Variants in COG5 observed in about 807,000 individuals in gnomAD.
The protein encoded by COG5 is component of oligomeric golgi complex 5.
COG5 carries 86 observed loss-of-function variants against 110.4 expected under a neutral mutation model. The observed-to-expected ratio is 0.78, with a 90% CI of 0.65 to 0.93. The LOEUF is 0.93. Ranked by LOEUF, COG5 falls within the 40% of genes least tolerant of loss-of-function variation. The pLI is 0.00. For missense variants in COG5, 1,077 were observed against 987.0 expected (o/e 1.09, Z -1.22); for synonymous variants, 360 against 334.6 (o/e 1.08, Z -0.83).
intron 10 of COG5, among the ~76,000 whole-genome samples, chr7:107,353,764 T>C (rs1812382930): frequency 6.6e-6 from 1 of 152,076 alleles, no homozygotes; most frequent in African/African-American, 2.4e-5. Context: ...TTCAGACCAT[T>C]TATGCCCTCT....
intron 11 of COG5, among the ~76,000 whole-genome samples, chr7:107,309,898 C>A (rs1808072027): frequency 6.6e-6 from 1 of 152,028 alleles, no homozygotes; most frequent in Admixed American, 6.6e-5. Context: ...CATACCCAAC[C>A]CCCTCTCTCC....
intron 6 of COG5, among the ~76,000 whole-genome samples, chr7:107,449,625 T>C (rs1795215731): frequency 6.6e-6 from 1 of 152,130 alleles, no homozygotes; most frequent in Non-Finnish European, 1.5e-5. Flanking sequence ...GAAGTGCCCT[T>C]AGTGATGTTG....
chr7:107,483,092 T>C (rs1797444390), intron 6 of COG5, among the ~76,000 whole-genome samples: 1 of 152,196 alleles, frequency 6.6e-6, no homozygotes, highest in Non-Finnish European at 1.5e-5. Flanking sequence ...ATTTACTTTG[T>C]ACCATTAATG....
At chr7:107,490,187 T>C (rs1442608301) in intron 6 of COG5, among the ~76,000 whole-genome samples, 7 of 152,134 alleles carry the variant, frequency 4.6e-5, no homozygotes, top group Non-Finnish European at 8.8e-5. Context: ...TCTCTTCCAG[T>C]ATCGTCCCCC....
At chr7:107,448,479 T>C (rs558437712) in intron 6 of COG5, among the ~76,000 whole-genome samples, 10 of 152,334 alleles carry the variant, frequency 6.6e-5, no homozygotes, top group African/African-American at 2.4e-4. Context: ...CCCACCTCTC[T>C]AGCTAATGCC....
At chr7:107,550,106 G>A (rs981088067) in intron 3 of COG5, among the ~76,000 whole-genome samples, 6 of 151,888 alleles carry the variant, frequency 4.0e-5, no homozygotes, top group Admixed American at 6.6e-5. Context: ...CTTCTCTCCA[G>A]GCTATGTCAT....
intron 6 of COG5, among the ~76,000 whole-genome samples, chr7:107,446,363 G>A (rs1416833334): frequency 6.6e-6 from 1 of 152,092 alleles, no homozygotes; most frequent in Non-Finnish European, 1.5e-5. Context: ...GCAGACCTGG[G>A]ATTATATATG....
chr7:107,426,635 A>T (rs996630379), intron 6 of COG5, among the ~76,000 whole-genome samples: 2 of 152,148 alleles, frequency 1.3e-5, no homozygotes, highest in African/African-American at 4.8e-5. Flanking sequence ...CACCATGATG[A>T]CCTAATAACT....
chr7:107,278,138 T>C (rs1052346782), intron 14 of COG5, among the ~76,000 whole-genome samples: 3 of 152,204 alleles, frequency 2.0e-5, no homozygotes, highest in African/African-American at 7.2e-5. Flanking sequence ...AGGTTGTATT[T>C]GCAAGTCACT....
chr7:107,384,500 C>T (rs1455302010), intron 7 of COG5, among the ~76,000 whole-genome samples: 3 of 152,098 alleles, frequency 2.0e-5, no homozygotes, highest in Admixed American at 1.3e-4. Flanking sequence ...TCTGGCTTTG[C>T]GAGAGGCCCT....
At chr7:107,265,119 A>T (rs973423013) in intron 14 of COG5, among the ~76,000 whole-genome samples, 1 of 152,208 alleles carries the variant, frequency 6.6e-6, no homozygotes, top group Non-Finnish European at 1.5e-5. Context: ...AATTATAAAC[A>T]TTAAAAGGAT....
rs60423657 is a variant in COG5 at position 107,541,523 on chromosome 7, A to AAAAAAAAAATAT, written c.417+6587_417+6588insATATTTTTTTTT. ...AAAAAAAAAAAAAAAAAAAAAAAAA[A>AAAAAAAAAATAT]ATATATATATATATATATATGTATT... On this transcript the variant is annotated intron_variant, in intron 5 of 21. Transcript: ENST00000297135. Among the ~76,000 whole-genome samples the AAAAAAAAAATAT allele has an allele frequency of 5.4e-4, 31 of 57,014 alleles. 2 individuals are homozygous for AAAAAAAAAATAT. Among genetic ancestry groups the AAAAAAAAAATAT allele is most frequent in the East Asian group, 1.0e-3 (2 of 1,922 alleles). 37.4% of individuals were successfully genotyped at this position (57,014 alleles called of 152,430 possible).
chr7:107,451,330 G>A (rs1428112308), intron 6 of COG5, among the ~76,000 whole-genome samples: 1 of 152,058 alleles, frequency 6.6e-6, no homozygotes, highest in Non-Finnish European at 1.5e-5. Context: ...TGTAGAAGAA[G>A]CAGTGCCAGA....
chr7:107,397,140 G>C (rs1248010614), intron 7 of COG5, among the ~76,000 whole-genome samples: 1 of 152,166 alleles, frequency 6.6e-6, no homozygotes, highest in Non-Finnish European at 1.5e-5. Context: ...TTGATAGCTA[G>C]GCTGGGCATG....
At position 107,493,298 on chromosome 7, in the gene COG5, G is replaced by A; in HGVS notation, c.538+33939C>T. ...TTCTTTATAAACTATATAATCTGTA[G>A]TATTCTTTACAGCAGTACAAAACAG... On this transcript the variant is annotated intron_variant, in intron 6 of 21. Transcript: ENST00000297135. Among the ~76,000 whole-genome samples, 3 of 152,102 alleles carry A rather than the reference G, an allele frequency of 2.0e-5. 1 individual carries two copies. The South Asian group carries it at 6.2e-4, about 31-fold the overall frequency.
Position 107,298,340 on chromosome 7 carries a change from A to T in COG5, c.1115T>A (p.Met372Lys). Residue 372 changes from methionine to lysine, a missense_variant, in exon 12 of 22, where the codon ATG becomes AAG. Transcript: ENST00000297135. ...SQFHMATNSSMFLKQAFEGEY... is the reference protein window; with the variant it reads ...SQFHMATNSSKFLKQAFEGEY... ...TCCTTCAAATGCCTGCTTCAAAAAC[A>T]TCGAAGCTGCCAAGCAAAACAAGAA... The T allele has an allele frequency of 1.2e-6, 2 of 1,612,470 alleles. No homozygotes were observed. The highest frequency in any genetic ancestry group is 1.7e-6 in the Non-Finnish European group (2 of 1,178,852).
chr7:107,352,438 A>G (rs547155254), intron 10 of COG5, among the ~76,000 whole-genome samples: 183 of 151,488 alleles, frequency 1.2e-3, no homozygotes, highest in African/African-American at 4.3e-3. Flanking sequence ...GTGTACATGT[A>G]CCCTAAAACT....
chr7:107,207,874 C>T (rs1227829465), intron 21 of COG5: 1 of 985,296 alleles, frequency 1.0e-6, no homozygotes, highest in African/African-American at 1.7e-5. Flanking sequence ...ATTTATTCAG[C>T]AGCAGTAGTT....
intron 19 of COG5, among the ~76,000 whole-genome samples, chr7:107,219,838 TATC>T (rs1337647907): frequency 2.0e-5 from 3 of 152,244 alleles, no homozygotes; most frequent in Admixed American, 6.5e-5. Context: ...CAAATGTTCT[TATC>T]ATTAAAAATG....
Sources: allele counts gnomAD v4.1 joint callset (sites outside exome capture counted in the v4.1 genomes callset), GRCh38; gene constraint gnomAD v4.1.1; transcripts MANE v1.5; gene names NCBI Gene and HGNC (gene_info 2026-07-23, HGNC 2026-07-21).